PDZRN4: variants seen among roughly 807,000 people sequenced by gnomAD.
PDZRN4 encodes the protein PDZ domain containing ring finger 4, also known as PDZ domain-containing RING finger protein 4.
PDZRN4 carries 70 observed loss-of-function variants against 99.0 expected under a neutral mutation model. The observed-to-expected ratio is 0.71, with a 90% confidence interval of 0.58 to 0.86. The LOEUF is 0.86. Ranked by LOEUF, PDZRN4 falls within the 40% of genes least tolerant of loss-of-function variation. The pLI is 0.00. For missense variants in PDZRN4, 1,474 were observed against 1,331.2 expected (o/e 1.11, Z -1.67); for synonymous variants, 551 against 501.6 (o/e 1.10, Z -1.32).
chr12:41,503,543 T>C (rs566051736), intron 3 of PDZRN4, among the ~76,000 whole-genome samples: 5 of 152,170 alleles, frequency 3.3e-5, no homozygotes, highest in Admixed American at 1.3e-4. Context: ...GAAAAAACTA[T>C]ACTCTTCTGG....
intron 3 of PDZRN4, among the ~76,000 whole-genome samples, chr12:41,339,560 C>G (rs1383914689): frequency 6.6e-6 from 1 of 151,916 alleles, no homozygotes; most frequent in Admixed American, 6.6e-5. Flanking sequence ...AACAAAGCAA[C>G]AAAGCAAAAT....
chr12:41,400,272 T>C (rs1952280620), intron 3 of PDZRN4, among the ~76,000 whole-genome samples: 1 of 152,150 alleles, frequency 6.6e-6, no homozygotes, highest in African/African-American at 2.4e-5. Flanking sequence ...GGTACTTAAA[T>C]CCTGGAAAGG....
intron 3 of PDZRN4, among the ~76,000 whole-genome samples, chr12:41,247,459 A>G (rs181423682): frequency 4.9e-4 from 75 of 152,286 alleles, no homozygotes; most frequent in African/African-American, 1.8e-3. Flanking sequence ...AAATTACCCA[A>G]TATAAGTTGA....
rs150031519 is a variant in PDZRN4, at chr12:41,473,354, A to G, written c.844-33102A>G. 1.7e-4 allele frequency: 26 copies of G among 152,334 alleles called. No individual in the cohort carries two copies. In the East Asian group the frequency reaches 4.8e-3, roughly 28 times the overall value. 9.4% of individuals were successfully genotyped at this position (152,334 alleles called of 1,614,324 possible). ...TTACAATAGGAACAAACCATAACAA[A>G]CCATACATACCTGTAAATTTAAATG... is the stretch of plus-strand genomic sequence containing the variant. On this transcript the variant is annotated intron_variant, in intron 3 of 9. Transcript: ENST00000402685.
intron 3 of PDZRN4, among the ~76,000 whole-genome samples, chr12:41,326,269 T>C (rs1951709063): frequency 6.6e-6 from 1 of 152,094 alleles, no homozygotes; most frequent in Non-Finnish European, 1.5e-5. Flanking sequence ...TGAGCCACCA[T>C]GCCCAGCCTC....
intron 3 of PDZRN4, among the ~76,000 whole-genome samples, chr12:41,395,984 G>T (rs899457112): frequency 2.6e-5 from 4 of 152,098 alleles, no homozygotes; most frequent in East Asian, 1.9e-4. Flanking sequence ...CCCACAAAAA[G>T]AGTAAGAATT....
rs565350060 is a variant in PDZRN4, at chr12:41,402,794, T to A, written c.844-103662T>A. On this transcript the variant is annotated intron_variant, in intron 3 of 9. Coordinates refer to ENST00000402685, the MANE Select transcript of PDZRN4 (RefSeq NM_001164595.2). ...TTTTCTGTTTTGTATAAGAAAACAA[T>A]CCAAAAGAAACAAATAAAAAACTAA... Among the ~76,000 whole-genome samples the A allele has an allele frequency of 2.2e-3, 334 of 150,994 alleles. 2 individuals carry two copies. The highest frequency in any genetic ancestry group is 9.6e-4 in the Non-Finnish European group (65 of 67,826).
intron 3 of PDZRN4, among the ~76,000 whole-genome samples, chr12:41,407,930 T>G (rs1214282892): frequency 1.3e-5 from 2 of 152,236 alleles, no homozygotes; most frequent in Admixed American, 6.5e-5. Flanking sequence ...CTGTGTTACC[T>G]GGATGTTATG....
chr12:41,324,617 T>C (rs1247818027), intron 3 of PDZRN4, among the ~76,000 whole-genome samples: 1 of 152,090 alleles, frequency 6.6e-6, no homozygotes, highest in Non-Finnish European at 1.5e-5. Flanking sequence ...AAGAACATTA[T>C]GGTGTGTATT....
intron 7 of PDZRN4, among the ~76,000 whole-genome samples, chr12:41,557,217 C>T (rs1243461551): frequency 6.9e-6 from 1 of 145,464 alleles, no homozygotes; most frequent in East Asian, 2.0e-4. Flanking sequence ...CTCTTGTGAA[C>T]AGATCAACTC....
intron 3 of PDZRN4, among the ~76,000 whole-genome samples, chr12:41,440,286 T>C (rs1419109929): frequency 6.6e-6 from 1 of 152,118 alleles, no homozygotes; most frequent in Non-Finnish European, 1.5e-5. Context: ...TAAGGCAAAA[T>C]AAAGTTTACC....
At chr12:41,276,191 T>A (rs1951348824) in intron 3 of PDZRN4, among the ~76,000 whole-genome samples, 1 of 152,140 alleles carries the variant, frequency 6.6e-6, no homozygotes, top group Admixed American at 6.6e-5. Context: ...TCCAAAGAAC[T>A]GCAGTATGTA....
chr12:41,568,021 T>C (rs1276052557), intron 9 of PDZRN4, 122 bp downstream of exon 9: 1 of 611,436 alleles, frequency 1.6e-6, no homozygotes, highest in Non-Finnish European at 2.9e-6. Flanking sequence ...ATCATGGTAA[T>C]TTTTTAGAGC....
At chr12:41,549,957 A>G (rs931997384) in intron 5 of PDZRN4, among the ~76,000 whole-genome samples, 8 of 152,190 alleles carry the variant, frequency 5.3e-5, no homozygotes, top group African/African-American at 1.9e-4. Context: ...CCTGTTTCAC[A>G]GTTTTGGTTT....
intron 3 of PDZRN4, among the ~76,000 whole-genome samples, chr12:41,380,419 T>C (rs183756774): frequency 3.4e-4 from 51 of 152,232 alleles, no homozygotes; most frequent in African/African-American, 1.1e-3. Context: ...TCCTTTCTTC[T>C]TCTTTTTTTG....
Position 41,360,541 on chromosome 12 carries a change from A to G in PDZRN4, c.844-145915A>G, listed in dbSNP as rs116752234. Among the ~76,000 whole-genome samples, 472 of 152,182 alleles carry G rather than the reference A, an allele frequency of 3.1e-3. 5 individuals are homozygous for G. The highest frequency in any genetic ancestry group is 0.011 in the African/African-American group (449 of 41,550). On this transcript the variant is annotated intron_variant, in intron 3 of 9. Transcript: ENST00000402685. ...AGTGATACTAACATGCAGCTAAGGC[A>G]GAAACCTACTGGTTTAGAATGACCA...
At chr12:41,197,927 T>TTTG (rs1950787768) in intron 3 of PDZRN4, among the ~76,000 whole-genome samples, 1 of 140,978 alleles carries the variant, frequency 7.1e-6, no homozygotes, top group African/African-American at 2.7e-5. Flanking sequence ...TGGGTTTTTT[T>TTTG]TTTTGGAGAC....
At chr12:41,295,434 G>C (rs1951485796) in intron 3 of PDZRN4, among the ~76,000 whole-genome samples, 1 of 151,828 alleles carries the variant, frequency 6.6e-6, no homozygotes, top group Non-Finnish European at 1.5e-5. Context: ...TAATTTTGAA[G>C]GCATTTTTTT....
intron 3 of PDZRN4, among the ~76,000 whole-genome samples, chr12:41,479,311 T>G (rs1392699092): frequency 6.6e-6 from 1 of 152,232 alleles, no homozygotes; most frequent in Admixed American, 6.5e-5. Context: ...TTTTTTCTTT[T>G]TTCTACAGTC....
Sources: allele counts gnomAD v4.1 joint callset (sites outside exome capture counted in the v4.1 genomes callset), GRCh38; gene constraint gnomAD v4.1.1; transcripts MANE v1.5; gene names NCBI Gene and HGNC (gene_info 2026-07-23, HGNC 2026-07-21).